The following CCDC28B variants were observed in gnomAD, a reference collection of about 807,000 sequenced individuals.
CCDC28B encodes the protein coiled-coil domain-containing protein 28B.
CCDC28B carries 17 observed loss-of-function variants against 18.7 expected under a neutral mutation model. The observed-to-expected ratio is 0.91, with a 90% confidence interval of 0.62 to 1.36. The LOEUF (loss-of-function observed/expected upper bound fraction) is 1.36, where lower values mean the gene tolerates loss of function less well. Among genes scored for constraint, CCDC28B ranks in the 40% most tolerant of loss-of-function variants. The pLI is 0.00. For missense variants in CCDC28B, 213 were observed against 251.7 expected (o/e 0.85, Z 1.04); for synonymous variants, 116 against 105.1 (o/e 1.10, Z -0.64).
At chr1:32,201,821 C>G in intron 1 of CCDC28B, 92 bp from the exon 2 acceptor site, 1 of 1,102,410 alleles carries the variant, frequency 9.1e-7, no homozygotes, top group Non-Finnish European at 1.3e-6. Context: ...CTGGAAGGTC[C>G]CAGGGCCCTT....
chr1:32,204,818 G>T, intron 5 of CCDC28B, 198 bp downstream of exon 5: 2 of 1,572,280 alleles, frequency 1.3e-6, no homozygotes, highest in Admixed American at 3.8e-5. Context: ...GGTTGTAGGG[G>T]ATGTTTTACT....
upstream of CCDC28B, chr1:32,200,584 A>C (rs192525565): frequency 1.3e-5 from 2 of 152,330 alleles, no homozygotes; most frequent in East Asian, 3.9e-4. Context: ...GGAGAAGGTC[A>C]CTTTCTCTTT....
chr1:32,201,367 G>A (rs1047479831), intron 1 of CCDC28B, among the ~76,000 whole-genome samples: 7 of 152,132 alleles, frequency 4.6e-5, no homozygotes, highest in African/African-American at 1.7e-4. Flanking sequence ...TGTCTATGTG[G>A]GGGAAACCCA....
intron 1 of CCDC28B, chr1:32,201,627 G>A (rs967727462): frequency 4.4e-5 from 11 of 252,172 alleles, no homozygotes; most frequent in Non-Finnish European, 6.0e-5. Context: ...CAGCCACCGT[G>A]ACAGGAAGCC....
Position 32,204,638 on chromosome 1 carries a change from C to T in CCDC28B, c.548+18C>T. 1.9e-6 allele frequency: 3 copies of T among 1,599,528 alleles called. No individual in the cohort carries two copies. The highest frequency in any genetic ancestry group is 2.6e-6 in the Non-Finnish European group (3 of 1,174,658). On this transcript the variant is annotated intron_variant, in intron 5 of 5. Transcript: ENST00000373602. Reference sequence around the variant, plus strand: ...AATTCTATGTATCCTTTCCAAGGAACCCGTCTATGTGTGTGTGTTCCTGAG... The same window carrying T: ...AATTCTATGTATCCTTTCCAAGGAATCCGTCTATGTGTGTGTGTTCCTGAG...
intron 2 of CCDC28B, 68 bp downstream of exon 2, chr1:32,202,167 A>AG (rs1643161723): frequency 1.9e-6 from 3 of 1,591,762 alleles, no homozygotes; most frequent in East Asian, 2.2e-5. Flanking sequence ...GAGGAAGGCA[A>AG]GGGGGGCCTC....
In CCDC28B at chr1:32,205,139, G is replaced by A. The variant is rs1385272203; in HGVS notation, c.549-55G>A. On this transcript the variant is annotated intron_variant, in intron 5 of 5. Coordinates refer to ENST00000373602, the MANE Select transcript of CCDC28B (RefSeq NM_024296.5). This position sits in a 1 kb window ranked among gnomAD's most constrained non-coding sequence, Gnocchi z 5.6. ...GGAACTAAACCTGTGCAAGATGGGA[G>A]ACCGGGGTGGGAGGAAGGACTGGTC... The A allele has an allele frequency of 5.0e-6, 8 of 1,602,716 alleles. No homozygotes were observed. The highest frequency in any genetic ancestry group is 5.1e-6 in the Non-Finnish European group (6 of 1,172,088).
chr1:32,204,491 A>T (rs761441809), intron 4 of CCDC28B, 107 bp from the exon 5 acceptor site: 45 of 1,514,710 alleles, frequency 3.0e-5, no homozygotes, highest in Non-Finnish European at 3.4e-5. Context: ...GCATGGATCC[A>T]AGAGCTCTGG....
At chr1:32,199,114 T>C (rs1426471021), upstream of CCDC28B, among the ~76,000 whole-genome samples, 1 of 152,188 alleles carries the variant, frequency 6.6e-6, no homozygotes, top group African/African-American at 2.4e-5. Context: ...ATGGGAGACA[T>C]GCTGCTGGTG....
rs200265063 is a variant in CCDC28B, at chr1:32,204,353, C to G, written c.499C>G (p.Arg167Gly). 5.0e-5 allele frequency: 79 copies of G among 1,593,122 alleles called. No homozygotes were observed. Among genetic ancestry groups the G allele is most frequent in the Non-Finnish European group, 6.6e-5 (77 of 1,169,272 alleles). Reference sequence around the variant, plus strand: ...GGAGCAGAAGAAGACAATGGCTGACCGTAACCTGGACCAGCTGCTTAGCAA... The same window carrying G: ...GGAGCAGAAGAAGACAATGGCTGACGGTAACCTGGACCAGCTGCTTAGCAA... Reference protein sequence around the residue: ...PEEQKKTMADRNLDQLLSNLE... With the variant: ...PEEQKKTMADGNLDQLLSNLE... Residue 167 changes from arginine to glycine, a missense_variant, in exon 4 of 6, where the codon CGT becomes GGT. By Grantham distance (125) the Arg-to-Gly change is moderately radical (BLOSUM62 -2). Transcript: ENST00000373602.
At chr1:32,203,670 A>G (rs1004505457) in intron 2 of CCDC28B, among the ~76,000 whole-genome samples, 1 of 152,162 alleles carries the variant, frequency 6.6e-6, no homozygotes, top group Non-Finnish European at 1.5e-5. Flanking sequence ...TTAGCAGAAA[A>G]GACTTCTTTT....
rs1001100101 is a variant in CCDC28B at position 32,203,994 on chromosome 1, G to A, written c.280G>A (p.Gly94Arg). 4 of 1,574,850 alleles carry A rather than the reference G, an allele frequency of 2.5e-6. No homozygotes were observed. Among genetic ancestry groups the A allele is most frequent in the Non-Finnish European group, 3.4e-6 (4 of 1,161,110 alleles). Residue 94 changes from glycine (G) to arginine (R), a missense_variant, in exon 3 of 6, where the codon GGA (glycine) becomes AGA (arginine). Physicochemically the swap from Gly to Arg is moderately radical, Grantham distance 125. Transcript: ENST00000373602. The stretch of plus-strand genomic sequence containing the variant: ...GACTGATGTCTATGAGATGGAGGGG[G>A]GACTCCTGAACCTGCTCAATGATTT... ...EVTDVYEMEG[G>R]LLNLLNDFHS... is the part of the protein sequence containing the mutation.
At position 32,201,985 on chromosome 1, in the gene CCDC28B, C is replaced by G. The variant is rs995533643; in HGVS notation, c.50C>G (p.Pro17Arg). 3.7e-5 allele frequency: 60 copies of G among 1,613,318 alleles called. No individual in the cohort carries two copies. The highest frequency in any genetic ancestry group is 5.1e-5 in the Non-Finnish European group (60 of 1,179,696). ...AGTCCCAAGCCCTGCCTGGCCCAGC[C>G]AGCCCAGGCCCCAGGCACACTACGG... ...KRSPKPCLAQ[P>R]AQAPGTLRRV... The change falls in exon 2 of 6, where the codon CCA becomes CGA. Residue 17 changes from proline to arginine, a missense_variant. By Grantham distance (103) the Pro-to-Arg change is moderately radical (BLOSUM62 -2). Transcript: ENST00000373602.
rs74507759 is a variant in CCDC28B, at chr1:32,202,155, G to C, written c.164+56G>C. On this transcript the variant is annotated intron_variant, in intron 2 of 5. Coordinates refer to ENST00000373602, the MANE Select transcript of CCDC28B (RefSeq NM_024296.5). ...GACCCCAACTCTGGGTTGCACTGTA[G>C]AGAGGAAGGCAAGGGGGGCCTCCGC... 1.9e-6 allele frequency: 3 copies of C among 1,609,040 alleles called. No homozygotes were observed. The South Asian group carries it at 3.3e-5, about 18-fold the overall frequency.
intron 2 of CCDC28B, 21 bp downstream of exon 2, chr1:32,202,120 AAGG>A (rs748184935): frequency 3.1e-6 from 5 of 1,611,370 alleles, no homozygotes; most frequent in Non-Finnish European, 4.2e-6. Context: ...AAGGGAAGGA[AAGG>A]AGGAGGGACC....
intron 3 of CCDC28B, 59 bp from the exon 4 acceptor site, chr1:32,204,119 ACCATGGTT>A: frequency 1.2e-6 from 2 of 1,602,370 alleles, no homozygotes; most frequent in Non-Finnish European, 1.7e-6. Context: ...CATGGCTGGG[ACCATGGTT>A]CCAGGGTTCC....
chr1:32,204,411 G>A, intron 4 of CCDC28B, 32 bp downstream of exon 4: 2 of 1,541,408 alleles, frequency 1.3e-6, no homozygotes, highest in Non-Finnish European at 1.7e-6. Flanking sequence ...TTGGTTCCTG[G>A]GGGCATGAGG....
chr1:32,200,512 G>C (rs1643124587), upstream of CCDC28B: 1 of 152,222 alleles, frequency 6.6e-6, no homozygotes, highest in Non-Finnish European at 1.5e-5. Flanking sequence ...AGGTGAGGTC[G>C]AGTGAGAGGA....
At position 32,203,989 on chromosome 1, in the gene CCDC28B, AG is replaced by A; in HGVS notation, c.281del (p.Gly94AspfsTer3). ...GAGGTGACTGATGTCTATGAGATGG[AG>A]GGGGGACTCCTGAACCTGCTCAATG... is the stretch of plus-strand genomic sequence containing the variant. ...LTEVTDVYEM[E>X]GGLLNLLNDF... On this transcript the variant is annotated frameshift_variant, in exon 3 of 6. Transcript: ENST00000373602. LOFTEE classifies it high-confidence loss of function. The A allele has an allele frequency of 2.5e-6, 4 of 1,576,326 alleles. No homozygotes were observed. The highest frequency in any genetic ancestry group is 3.7e-5 in the Admixed American group (2 of 54,282).
Sources: gnomAD v4.1 joint callset for allele counts (sites outside exome capture counted in the v4.1 genomes callset) on GRCh38, gnomAD v4.1.1 for gene constraint, Gnocchi (gnomAD v3.1) non-coding constraint, MANE v1.5 for transcripts, NCBI Gene and HGNC (gene_info 2026-07-23, HGNC 2026-07-21) for gene names.